MTCL2: variants seen among roughly 807,000 people sequenced by gnomAD.
The protein encoded by MTCL2 is microtubule crosslinking factor 2.
the MTCL2 span, among the ~76,000 whole-genome samples, chr20:36,858,316 AC>A: frequency 3.6e-5 from 4 of 111,524 alleles, no homozygotes; most frequent in Non-Finnish European, 7.2e-5. Context: ...GGGAAAACAC[AC>A]ACACACACAC....
the MTCL2 span, among the ~76,000 whole-genome samples, chr20:36,849,047 T>C: frequency 7.2e-6 from 1 of 138,114 alleles, no homozygotes; most frequent in Non-Finnish European, 1.6e-5. Flanking sequence ...TGTGTTTCAA[T>C]ATAGTTGGTT....
the MTCL2 span, chr20:36,810,204 T>C: frequency 1.4e-6 from 2 of 1,426,890 alleles, no homozygotes; most frequent in Non-Finnish European, 1.9e-6. Flanking sequence ...AGGGGAACGA[T>C]GGGATGTTGG....
the MTCL2 span, chr20:36,859,788 A>T: frequency 8.1e-7 from 1 of 1,231,690 alleles, no homozygotes; most frequent in Non-Finnish European, 1.0e-6. Flanking sequence ...CCTGCAGGGG[A>T]CATACTGGGG....
the MTCL2 span, among the ~76,000 whole-genome samples, chr20:36,862,488 G>C: frequency 6.6e-6 from 1 of 152,214 alleles, no homozygotes; most frequent in African/African-American, 2.4e-5. Context: ...GTTGAGAGGG[G>C]GCGGGGGGAA....
At chr20:36,815,783 C>G in the MTCL2 span, 1 of 1,591,510 alleles carries the variant, frequency 6.3e-7, no homozygotes, top group Non-Finnish European at 8.6e-7. The surrounding 1 kb of genome is among the most constrained non-coding windows in gnomAD (Gnocchi z 5.3). Flanking sequence ...GCGCCACGTC[C>G]AGCTCGTGCT....
chr20:36,789,062 G>A, the MTCL2 span, among the ~76,000 whole-genome samples: 9 of 151,984 alleles, frequency 5.9e-5, no homozygotes, highest in Non-Finnish European at 1.2e-4. Flanking sequence ...GAGCCACTGC[G>A]CCCAGCCTCT....
At chr20:36,825,578 C>T in the MTCL2 span, among the ~76,000 whole-genome samples, 1 of 152,258 alleles carries the variant, frequency 6.6e-6, no homozygotes, top group Non-Finnish European at 1.5e-5. Context: ...CACCTCCCTT[C>T]TCTCTAGCGG....
chr20:36,844,022 T>C, the MTCL2 span, among the ~76,000 whole-genome samples: 1 of 151,174 alleles, frequency 6.6e-6, no homozygotes, highest in Non-Finnish European at 1.5e-5. Context: ...CAGATCACGA[T>C]GTCAGGAGTT....
the MTCL2 span, chr20:36,794,763 C>A: frequency 1.2e-6 from 1 of 834,036 alleles, no homozygotes; most frequent in Admixed American, 2.6e-5. This position sits in a 1 kb window ranked among gnomAD's most constrained non-coding sequence, Gnocchi z 5.4. Flanking sequence ...ATTCTGTCTG[C>A]ATTTTCTTTT....
the MTCL2 span, among the ~76,000 whole-genome samples, chr20:36,816,718 T>G: frequency 6.6e-6 from 1 of 152,162 alleles, no homozygotes; most frequent in African/African-American, 2.4e-5. Flanking sequence ...TTCATCCAAT[T>G]CTTCCAATGA....
At chr20:36,803,293 G>A in the MTCL2 span, among the ~76,000 whole-genome samples, 1 of 152,234 alleles carries the variant, frequency 6.6e-6, no homozygotes, top group African/African-American at 2.4e-5. Context: ...CACACAATAA[G>A]GGTTTGAAGA....
the MTCL2 span, chr20:36,803,162 C>G: frequency 2.6e-6 from 4 of 1,530,274 alleles, no homozygotes; most frequent in African/African-American, 4.1e-5. Context: ...CCTCTTGGCC[C>G]TTCTCTCTCC....
At chr20:36,847,375 T>C in the MTCL2 span, among the ~76,000 whole-genome samples, 1 of 152,210 alleles carries the variant, frequency 6.6e-6, no homozygotes, top group African/African-American at 2.4e-5. Context: ...CCCCACACTC[T>C]GAAATCTATG....
chr20:36,858,311 A>AACACACACACACAC, the MTCL2 span, among the ~76,000 whole-genome samples: 2 of 31,834 alleles, frequency 6.3e-5, no homozygotes, highest in African/African-American at 2.0e-4. Context: ...AAGGAGGGAA[A>AACACACACACACAC]ACACACACAC....
the MTCL2 span, chr20:36,862,555 C>A: frequency 8.6e-7 from 1 of 1,160,512 alleles, no homozygotes; most frequent in Non-Finnish European, 1.1e-6. Context: ...GCCCCTTTCT[C>A]CGGATTGTTC....
the MTCL2 span, chr20:36,863,417 G>A: frequency 1.8e-6 from 2 of 1,085,094 alleles, no homozygotes; most frequent in South Asian, 4.5e-5. This position sits in a 1 kb window ranked among gnomAD's most constrained non-coding sequence, Gnocchi z 6.2. Context: ...CCTGGGGAGG[G>A]ACCCGGCGCG....
At chr20:36,836,910 C>T in the MTCL2 span, among the ~76,000 whole-genome samples, 1 of 152,190 alleles carries the variant, frequency 6.6e-6, no homozygotes, top group Non-Finnish European at 1.5e-5. Flanking sequence ...GTTTACCTCC[C>T]CTGGTTCTGC....
chr20:36,811,502 G>A, the MTCL2 span, among the ~76,000 whole-genome samples: 4 of 151,948 alleles, frequency 2.6e-5, no homozygotes, highest in African/African-American at 4.8e-5. Context: ...GGTGGCGCAC[G>A]CCTATAGTCC....
At chr20:36,813,754 A>AAAC in the MTCL2 span, among the ~76,000 whole-genome samples, 14 of 147,302 alleles carry the variant, frequency 9.5e-5, no homozygotes, top group African/African-American at 3.5e-4. Flanking sequence ...CTCTGTCTCA[A>AAAC]AAAAAAAAAA....
Sources: gnomAD v4.1 joint callset for allele counts (sites outside exome capture counted in the v4.1 genomes callset) on GRCh38, gnomAD v4.1.1 for gene constraint, Gnocchi (gnomAD v3.1) non-coding constraint, MANE v1.5 for transcripts, NCBI Gene and HGNC (gene_info 2026-07-23, HGNC 2026-07-21) for gene names.